Variants in IGF2BP1 observed in about 807,000 individuals in gnomAD.
The protein encoded by IGF2BP1 is insulin like growth factor 2 mRNA binding protein 1.
IGF2BP1 carries 11 observed loss-of-function variants against 74.9 expected under a neutral mutation model. The observed-to-expected ratio is 0.15, with a 90% CI of 0.09 to 0.24. The LOEUF (loss-of-function observed/expected upper bound fraction) is 0.24, where lower values mean the gene tolerates loss of function less well. Ranked by LOEUF, IGF2BP1 falls within the 10% of genes least tolerant of loss-of-function variation. The probability of loss-of-function intolerance (pLI) is 1.00; values close to 1 mark genes in which losing one functional copy is unlikely to be tolerated. For synonymous variants in IGF2BP1, 287 were observed against 281.8 expected (o/e 1.02, Z -0.18); for missense variants, 440 against 757.4 (o/e 0.58, Z 4.92).
chr17:49,046,602 G>C (rs2042110005), intron 14 of IGF2BP1, among the ~76,000 whole-genome samples: 1 of 150,690 alleles, frequency 6.6e-6, no homozygotes, highest in Admixed American at 6.6e-5. Flanking sequence ...CAAGTTTAAT[G>C]TACATATATT....
chr17:49,024,618 C>T (rs1344523512), intron 2 of IGF2BP1, among the ~76,000 whole-genome samples: 1 of 152,138 alleles, frequency 6.6e-6, no homozygotes, highest in Non-Finnish European at 1.5e-5. Context: ...GGTATTATCT[C>T]TGTTTTACGT....
chr17:48,999,064 C>G, intron 1 of IGF2BP1, 45 bp from the exon 2 acceptor site: 4 of 1,175,444 alleles, frequency 3.4e-6, no homozygotes, highest in Non-Finnish European at 5.1e-6. Context: ...CCACCCCCAA[C>G]CCCTGTTCAA....
intron 4 of IGF2BP1, among the ~76,000 whole-genome samples, chr17:49,027,709 G>A (rs920181691): frequency 1.9e-4 from 29 of 151,728 alleles, no homozygotes; most frequent in African/African-American, 4.4e-4. Flanking sequence ...AAAATTAGCC[G>A]GGCGTGGTGG....
At chr17:49,036,402 G>C (rs748314671) in intron 5 of IGF2BP1, 1 of 152,048 alleles carries the variant, frequency 6.6e-6, no homozygotes, top group Non-Finnish European at 1.5e-5. Context: ...ACAGAGATTA[G>C]CATGGCCCCT....
chr17:49,038,342 G>A lies in IGF2BP1; in HGVS notation c.576G>A (p.Gln192=). 2 of 1,607,126 alleles carry A rather than the reference G, an allele frequency of 1.2e-6. No individual in the cohort carries two copies. Among genetic ancestry groups the A allele is most frequent in the Non-Finnish European group, 1.7e-6 (2 of 1,177,044 alleles). Residue 192 remains glutamine, a synonymous_variant, in exon 6 of 15, where the codon CAG becomes CAA. Transcript: ENST00000290341. The stretch of plus-strand genomic sequence containing the variant: ...CAGCGGGGGCCCCAGCCAAGCAGCA[G>A]CAAGTGGACATCCCCCTTCGGCTCC... ...PVAAGAPAKQ[Q]QVDIPLRLLV...
At chr17:49,040,114 A>C in intron 7 of IGF2BP1, 23 bp downstream of exon 7, 1 of 1,613,230 alleles carries the variant, frequency 6.2e-7, no homozygotes, top group Non-Finnish European at 8.5e-7. Context: ...CTTTTCTTGG[A>C]TCTTCAGGGT....
intron 1 of IGF2BP1, 63 bp from the exon 2 acceptor site, chr17:48,999,046 T>C: frequency 3.0e-6 from 3 of 1,008,644 alleles, no homozygotes; most frequent in South Asian, 1.3e-5. Flanking sequence ...CTTTTCCCCT[T>C]CCTCTTCCCA....
intron 1 of IGF2BP1, 128 bp downstream of exon 1, chr17:48,998,048 C>T: frequency 1.0e-6 from 1 of 955,102 alleles, no homozygotes; most frequent in Non-Finnish European, 1.5e-6. Flanking sequence ...TCCGTACCCA[C>T]CCTCGACCTA....
chr17:49,049,518 C>T lies in IGF2BP1; in HGVS notation c.*74C>T. 7.6e-7 allele frequency: 1 copy of T among 1,322,618 alleles called. No individual in the cohort carries two copies. The highest frequency in any genetic ancestry group is 1.1e-6 in the Non-Finnish European group (1 of 931,836). The allele number at this position is 1,322,618 out of a possible 1,614,324, so 81.9% of individuals were successfully genotyped here. ...CGAGAGTGTGCTCTCCCCGGCAGGC[C>T]TGAGAATGAGTGGGAATCCGGGACA... On this transcript the variant is annotated 3_prime_UTR_variant, in exon 15 of 15. Coordinates refer to ENST00000290341, the MANE Select transcript of IGF2BP1 (RefSeq NM_006546.4).
chr17:49,038,709 T>TA lies in IGF2BP1; in HGVS notation c.683+267dup, dbSNP rs542292935. On this transcript the variant is annotated intron_variant, in intron 6 of 14. Coordinates refer to ENST00000290341, the MANE Select transcript of IGF2BP1 (RefSeq NM_006546.4). ...CTATAATTTCTCATGTGAAGTTTCA[T>TA]AAAAAAAGTCTCCAAGCAAACCTCA... 4.6e-5 allele frequency among the ~76,000 whole-genome samples: 7 copies of TA among 151,996 alleles called. No homozygotes were observed. The South Asian group carries it at 1.2e-3, about 27-fold the overall frequency.
chr17:49,042,188 G>A (rs1443825195), intron 8 of IGF2BP1, 54 bp from the exon 9 acceptor site: 24 of 1,610,638 alleles, frequency 1.5e-5, no homozygotes, highest in Non-Finnish European at 1.8e-5. Context: ...TGTTACTGCC[G>A]GGGCCTGGTC....
chr17:49,041,402 C>A lies in IGF2BP1; in HGVS notation c.843C>A (p.Ile281=). The part of the protein sequence containing the change: ...TKTADEVPLK[I]LAHNNFVGRL... ...GGGCTGACGAGGTTCCCCTGAAGAT[C>A]CTGGCCCATAATAACTTTGTAGGGC... Residue 281 remains isoleucine, a synonymous_variant, in exon 8 of 15, where the codon ATC becomes ATA. Transcript: ENST00000290341. 1 of 1,614,006 alleles carries A rather than the reference C, an allele frequency of 6.2e-7. No homozygotes were observed. Among genetic ancestry groups the A allele is most frequent in the Non-Finnish European group, 8.5e-7 (1 of 1,180,006 alleles).
rs146762180 is a variant in IGF2BP1, at chr17:49,022,754, C to T, written c.237-2864C>T. Among the ~76,000 whole-genome samples the T allele has an allele frequency of 3.3e-5, 5 of 152,312 alleles. No individual in the cohort carries two copies. In the East Asian group the frequency reaches 9.6e-4, roughly 29 times the overall value. On this transcript the variant is annotated intron_variant, in intron 2 of 14. Coordinates refer to ENST00000290341, the MANE Select transcript of IGF2BP1 (RefSeq NM_006546.4). ...CCATCCCCTCCACGAAAGAAAGCCTCTAAAACTGGGAGTTTGAAGTGCGAG... is the reference window on the plus strand; with the variant it reads ...CCATCCCCTCCACGAAAGAAAGCCTTTAAAACTGGGAGTTTGAAGTGCGAG...
At chr17:49,029,056 C>T (rs770688123) in intron 4 of IGF2BP1, among the ~76,000 whole-genome samples, 38 of 152,156 alleles carry the variant, frequency 2.5e-4, no homozygotes, top group Admixed American at 1.2e-3. Context: ...CCGCCCACCT[C>T]GGCTTCCCAA....
chr17:49,015,343 A>G (rs996769054), intron 2 of IGF2BP1, among the ~76,000 whole-genome samples: 19 of 152,132 alleles, frequency 1.2e-4, no homozygotes, highest in African/African-American at 4.1e-4. Context: ...CTAAACCAGC[A>G]TCTCCAGAGA....
rs1480480681 is a variant in IGF2BP1, at chr17:49,054,113, G to A, written c.*4669G>A. The A allele has an allele frequency of 2.0e-5, 3 of 152,668 alleles. No homozygotes were observed. The highest frequency in any genetic ancestry group is 6.5e-5 in the Admixed American group (1 of 15,288). The allele number at this position is 152,668 out of a possible 1,614,324, so 9.5% of individuals were successfully genotyped here. A position where few individuals can be genotyped will look rare whatever the true frequency, so the allele number is the denominator to read the frequency against. On this transcript the variant is annotated 3_prime_UTR_variant, in exon 15 of 15. Transcript: ENST00000290341. Reference sequence around the variant, plus strand: ...TTTGGATACATAAGGCTTCTCTATCGGGGTACGGGACAGGGAGGAGGCCTC... The same window carrying A: ...TTTGGATACATAAGGCTTCTCTATCAGGGTACGGGACAGGGAGGAGGCCTC...
intron 14 of IGF2BP1, among the ~76,000 whole-genome samples, chr17:49,047,634 G>T (rs1460852156): frequency 6.6e-6 from 1 of 151,620 alleles, no homozygotes; most frequent in Non-Finnish European, 1.5e-5. Flanking sequence ...GAAAAGCTAT[G>T]TAAAACATCA....
At chr17:48,998,253 C>T (rs1265849637) in intron 1 of IGF2BP1, among the ~76,000 whole-genome samples, 1 of 152,156 alleles carries the variant, frequency 6.6e-6, no homozygotes, top group Non-Finnish European at 1.5e-5. Context: ...TGACCCCTGG[C>T]TGGGCGTTAT....
chr17:49,041,936 A>T (rs897780762), intron 8 of IGF2BP1, among the ~76,000 whole-genome samples: 1 of 152,242 alleles, frequency 6.6e-6, no homozygotes, highest in Non-Finnish European at 1.5e-5. Context: ...GCTCTTGTCC[A>T]AAAAGGTATA....
Sources: gnomAD v4.1 joint callset for allele counts (sites outside exome capture counted in the v4.1 genomes callset) on GRCh38, gnomAD v4.1.1 for gene constraint, MANE v1.5 for transcripts, NCBI Gene and HGNC (gene_info 2026-07-23, HGNC 2026-07-21) for gene names.